The following SCN9A variants were observed in gnomAD, a reference collection of about 807,000 sequenced individuals.
The protein encoded by SCN9A is sodium channel protein type 9 subunit alpha.
Under a neutral mutation model 187.0 loss-of-function variants are expected in SCN9A, and 131 were observed. The ratio of observed to expected loss-of-function variants is 0.70; its 90% CI spans 0.61 to 0.81. The LOEUF (loss-of-function observed/expected upper bound fraction) is 0.81. SCN9A is among the 30% of genes least tolerant of loss of function. The pLI is 0.00. For missense variants in SCN9A, 2,252 were observed against 2,396.6 expected, an observed-to-expected ratio of 0.94 and a Z score of 1.26; for synonymous variants, 809 against 808.6, an observed-to-expected ratio of 1.00 and a Z score of -0.01.
chr2:166,346,002 C>T (rs1699891816), intron 1 of SCN9A, among the ~76,000 whole-genome samples: 1 of 152,036 alleles, frequency 6.6e-6, no homozygotes, highest in Non-Finnish European at 1.5e-5. Context: ...TTGTCATCTG[C>T]CTTGAAACAA....
intron 16 of SCN9A, among the ~76,000 whole-genome samples, chr2:166,275,018 C>T (rs1043742904): frequency 1.3e-5 from 2 of 152,084 alleles, no homozygotes; most frequent in Non-Finnish European, 2.9e-5. Flanking sequence ...AAGGATTAGA[C>T]CATGGGTAAT....
rs1694965453 is a variant in SCN9A, at chr2:166,228,905, A to G, written c.3992T>C (p.Phe1331Ser). 6.2e-7 allele frequency: 1 copy of G among 1,613,778 alleles called. No individual in the cohort carries two copies. The highest frequency in any genetic ancestry group is 8.5e-7 in the Non-Finnish European group (1 of 1,179,676). The change falls in exon 22 of 27, where the codon TTC becomes TCC. Residue 1331 changes from phenylalanine to serine, a missense_variant. Physicochemically the swap from Phe to Ser is radical, Grantham distance 155. This residue lies in a region of SCN9A where 368 missense variants were observed against 408.6 expected (regional missense o/e 0.90). Transcript: ENST00000642356. Reference sequence around the variant, plus strand: ...TCCCATGATGCTGAATATCAGCCAGAATATAAGACACACAAGTAGCACATT... The same window carrying G: ...TCCCATGATGCTGAATATCAGCCAGGATATAAGACACACAAGTAGCACATT... ...IMNVLLVCLI[F>S]WLIFSIMGVN...
At chr2:166,360,537 A>G (rs1448908777) in intron 1 of SCN9A, among the ~76,000 whole-genome samples, 1 of 152,164 alleles carries the variant, frequency 6.6e-6, no homozygotes, top group East Asian at 1.9e-4. Flanking sequence ...CAATATTATT[A>G]TACATGTATC....
At chr2:166,325,879 T>G (rs1456691236) in intron 1 of SCN9A, among the ~76,000 whole-genome samples, 2 of 152,162 alleles carry the variant, frequency 1.3e-5, no homozygotes, top group Non-Finnish European at 2.9e-5. Flanking sequence ...GGTTTATAAC[T>G]ACAAAAGCCC....
At chr2:166,227,043 G>T (rs1694870342) in intron 23 of SCN9A, among the ~76,000 whole-genome samples, 3 of 151,876 alleles carry the variant, frequency 2.0e-5, no homozygotes, top group Admixed American at 2.0e-4. Context: ...CAAAAGTACT[G>T]TAAATGAGAC....
At chr2:166,301,937 G>A (rs993477631) in intron 7 of SCN9A, 5 of 150,850 alleles carry the variant, frequency 3.3e-5, no homozygotes, top group African/African-American at 7.5e-5. Flanking sequence ...TTCTTGTTAA[G>A]GCTTCTATTT....
chr2:166,295,153 A>G (rs1698242018), intron 7 of SCN9A, among the ~76,000 whole-genome samples: 1 of 152,160 alleles, frequency 6.6e-6, no homozygotes, highest in Non-Finnish European at 1.5e-5. Context: ...AAGAGAAAGA[A>G]CTAAAGCCCT....
At chr2:166,294,850 GC>G (rs2106506968) in intron 7 of SCN9A, 188 bp from the exon 8 acceptor site, 1 of 429,866 alleles carries the variant, frequency 2.3e-6, no homozygotes, top group African/African-American at 2.0e-5. Flanking sequence ...TCTCTTAGAG[GC>G]TAGGCAATAA....
chr2:166,339,162 T>C (rs768531332), intron 1 of SCN9A, among the ~76,000 whole-genome samples: 1 of 152,096 alleles, frequency 6.6e-6, no homozygotes, highest in Non-Finnish European at 1.5e-5. Flanking sequence ...AGGAAGTTAA[T>C]TGAAAAAAGC....
At chr2:166,273,928 G>C (rs1697114251) in intron 16 of SCN9A, among the ~76,000 whole-genome samples, 1 of 152,120 alleles carries the variant, frequency 6.6e-6, no homozygotes, top group African/African-American at 2.4e-5. Context: ...GTCTCAATAA[G>C]TCTGATTTAG....
intron 1 of SCN9A, among the ~76,000 whole-genome samples, chr2:166,365,939 G>T (rs567298923): frequency 6.6e-6 from 1 of 152,282 alleles, no homozygotes; most frequent in African/African-American, 2.4e-5. Flanking sequence ...AGGGAAAAAA[G>T]AAAGAGGGAA....
At chr2:166,276,244 G>A (rs913079534) in intron 16 of SCN9A, among the ~76,000 whole-genome samples, 1 of 152,156 alleles carries the variant, frequency 6.6e-6, no homozygotes, top group Admixed American at 6.6e-5. Context: ...CTATAGGCCA[G>A]TGGCTGGAAA....
chr2:166,308,342 G>C (rs745823712), intron 2 of SCN9A, among the ~76,000 whole-genome samples: 4 of 152,090 alleles, frequency 2.6e-5, no homozygotes, highest in Admixed American at 6.6e-5. Context: ...CTCAGGGGAG[G>C]GACCTGGTGG....
chr2:166,283,421 A>T (rs1164324632), intron 12 of SCN9A, among the ~76,000 whole-genome samples: 1 of 152,200 alleles, frequency 6.6e-6, no homozygotes, highest in Non-Finnish European at 1.5e-5. Flanking sequence ...ATATAAATAT[A>T]TAAGCATGTA....
chr2:166,233,210 C>T (rs1051387297), intron 21 of SCN9A, 130 bp downstream of exon 21: 32 of 405,896 alleles, frequency 7.9e-5, no homozygotes, highest in African/African-American at 1.6e-4. Flanking sequence ...TGTATATGTA[C>T]ACACACATAC....
At chr2:166,326,327 C>T (rs1699362892) in intron 1 of SCN9A, among the ~76,000 whole-genome samples, 1 of 152,124 alleles carries the variant, frequency 6.6e-6, no homozygotes, top group African/African-American at 2.4e-5. Context: ...AAAAATAATA[C>T]TTAAACCAAG....
rs553369740 is a variant in SCN9A, at chr2:166,259,695, G to T, written c.3352-7810C>A. Among the ~76,000 whole-genome samples the T allele has an allele frequency of 9.2e-5, 14 of 151,850 alleles. No individual in the cohort carries two copies. In the South Asian group the frequency reaches 2.3e-3, roughly 25 times the overall value. ...GCATATTCTAAAATTAGCATTTCTTGATTGACTTATTTTTATTTAATTAAT... is the reference window on the plus strand; with the variant it reads ...GCATATTCTAAAATTAGCATTTCTTTATTGACTTATTTTTATTTAATTAAT... On this transcript the variant is annotated intron_variant, in intron 17 of 26. Transcript: ENST00000642356.
chr2:166,348,149 A>G (rs191918328), intron 1 of SCN9A, among the ~76,000 whole-genome samples: 1 of 152,106 alleles, frequency 6.6e-6, no homozygotes, highest in African/African-American at 2.4e-5. Flanking sequence ...AGCCAATGAA[A>G]ATTAGTTAAT....
In SCN9A at chr2:166,292,744, A is replaced by G. The variant is rs557187373; in HGVS notation, c.1107+487T>C. 7.9e-5 allele frequency among the ~76,000 whole-genome samples: 12 copies of G among 152,298 alleles called. No individual in the cohort carries two copies. In the South Asian group the frequency reaches 1.7e-3, roughly 21 times the overall value. ...ATCAATGATATAAATGGAAGAAAAT[A>G]CAAAAAATCATGGAAGTCTACAGTT... On this transcript the variant is annotated intron_variant, in intron 9 of 26. Transcript: ENST00000642356.
Sources: gnomAD v4.1 joint callset for allele counts (sites outside exome capture counted in the v4.1 genomes callset) on GRCh38, gnomAD v4.1.1 for gene constraint, gnomAD v4.1.1 regional missense constraint, MANE v1.5 for transcripts, NCBI Gene and HGNC (gene_info 2026-07-23, HGNC 2026-07-21) for gene names.